SNRNP48: variants seen among roughly 807,000 people sequenced by gnomAD.
The protein encoded by SNRNP48 is U11/U12 small nuclear ribonucleoprotein 48 kDa protein.
Under a neutral mutation model 47.0 loss-of-function variants are expected in SNRNP48, and 43 were observed. The observed-to-expected ratio is 0.92, with a 90% confidence interval of 0.72 to 1.18. SNRNP48 has a LOEUF of 1.18. SNRNP48 is among the 50% of genes most tolerant of loss of function. The pLI is 0.00. For synonymous variants in SNRNP48, 138 were observed against 144.0 expected (o/e 0.96, Z 0.30); for missense variants, 396 against 422.2 (o/e 0.94, Z 0.54).
At chr6:7,598,245 A>T (rs1759944680) in intron 4 of SNRNP48, among the ~76,000 whole-genome samples, 1 of 151,502 alleles carries the variant, frequency 6.6e-6, no homozygotes, top group South Asian at 2.1e-4. Context: ...TTGTAATCCC[A>T]GCACTTTGGG....
At chr6:7,593,490 G>A (rs1023618428) in intron 1 of SNRNP48, among the ~76,000 whole-genome samples, 1 of 152,122 alleles carries the variant, frequency 6.6e-6, no homozygotes, top group Admixed American at 6.5e-5. Flanking sequence ...GACAGTGAGT[G>A]TAAATACACC....
At chr6:7,592,313 G>GTGAT (rs1450158206) in intron 1 of SNRNP48, among the ~76,000 whole-genome samples, 1 of 151,896 alleles carries the variant, frequency 6.6e-6, no homozygotes, top group Non-Finnish European at 1.5e-5. Context: ...GAGTAGAATG[G>GTGAT]TGATGGTGGG....
chr6:7,599,802 C>T (rs1004459197), intron 4 of SNRNP48: 2 of 1,230,502 alleles, frequency 1.6e-6, no homozygotes, highest in African/African-American at 3.1e-5. Flanking sequence ...ATACCTGTCA[C>T]ATATTATAGT....
chr6:7,600,380 T>C (rs1759993325), intron 4 of SNRNP48: 1 of 188,650 alleles, frequency 5.3e-6, no homozygotes, highest in Admixed American at 6.5e-5. Flanking sequence ...ACTGATTTTA[T>C]GTTGTTCTAT....
intron 5 of SNRNP48, among the ~76,000 whole-genome samples, chr6:7,601,736 G>A (rs912020531): frequency 1.1e-4 from 17 of 152,172 alleles, no homozygotes; most frequent in Non-Finnish European, 2.4e-4. Flanking sequence ...AAAAATAAAA[G>A]TGTGTGGTTG....
intron 3 of SNRNP48, among the ~76,000 whole-genome samples, 193 bp from the exon 4 acceptor site, chr6:7,594,834 A>G (rs913756385): frequency 6.6e-6 from 1 of 152,134 alleles, no homozygotes; most frequent in Non-Finnish European, 1.5e-5. Flanking sequence ...TTGAAGTCTG[A>G]TTACTTACTG....
chr6:7,604,361 CAGAT>C (rs1346704335), intron 6 of SNRNP48, among the ~76,000 whole-genome samples: 1 of 152,188 alleles, frequency 6.6e-6, no homozygotes, highest in Non-Finnish European at 1.5e-5. Flanking sequence ...TTCTGAAAAG[CAGAT>C]AGAAGTATAG....
chr6:7,602,535 A>G lies in SNRNP48; in HGVS notation c.596-88A>G, dbSNP rs543670042. On this transcript the variant is annotated intron_variant, in intron 5 of 8. Coordinates refer to ENST00000342415, the MANE Select transcript of SNRNP48 (RefSeq NM_152551.4). ...TATGTGCTACTTTGAAACAAGTTAA[A>G]ATATAGGATTGTGATGTATTTATTT... 1.3e-5 allele frequency: 14 copies of G among 1,038,862 alleles called. 1 individual carries two copies. In the South Asian group the frequency reaches 2.0e-4, roughly 15 times the overall value. The allele number at this position is 1,038,862 out of a possible 1,614,324, so 64.4% of individuals were successfully genotyped here. A position where few individuals can be genotyped will look rare whatever the true frequency, so the allele number is the denominator to read the frequency against.
intron 8 of SNRNP48, among the ~76,000 whole-genome samples, chr6:7,607,127 G>T (rs1003134630): frequency 3.3e-5 from 5 of 152,156 alleles, no homozygotes; most frequent in Admixed American, 3.3e-4. Context: ...AGGCCAGCCC[G>T]GGCAACCTGG....
chr6:7,593,611 G>A (rs1759854446), intron 1 of SNRNP48, 123 bp from the exon 2 acceptor site: 1 of 501,746 alleles, frequency 2.0e-6, no homozygotes, highest in African/African-American at 2.0e-5. Flanking sequence ...GGGGTTGAGA[G>A]AGGCCTGTAG....
chr6:7,601,568 T>G, intron 5 of SNRNP48, 44 bp downstream of exon 5: 2 of 1,480,212 alleles, frequency 1.4e-6, no homozygotes, highest in Non-Finnish European at 1.8e-6. Context: ...CATTATCATT[T>G]TATTCTATGA....
At chr6:7,599,902 C>A in intron 4 of SNRNP48, 1 of 997,610 alleles carries the variant, frequency 1.0e-6, no homozygotes. Flanking sequence ...GAAGAAAAGG[C>A]TAAAATAATT....
intron 5 of SNRNP48, 57 bp downstream of exon 5, chr6:7,601,581 GTTA>G: frequency 2.8e-6 from 4 of 1,415,110 alleles, no homozygotes; most frequent in Non-Finnish European, 3.7e-6. Context: ...TTCTATGAGT[GTTA>G]TTAAGATGAT....
chr6:7,610,323 A>G lies in SNRNP48; in HGVS notation c.*1450A>G, dbSNP rs576309320. Reference sequence around the variant, plus strand: ...GGTATGGGAAACAGCTCTCAGATTTATAAATTGGAAATCACCAGGTTACTT... The same window carrying G: ...GGTATGGGAAACAGCTCTCAGATTTGTAAATTGGAAATCACCAGGTTACTT... On this transcript the variant is annotated 3_prime_UTR_variant, in exon 9 of 9. Transcript: ENST00000342415. 3.9e-5 allele frequency: 6 copies of G among 152,350 alleles called. No individual in the cohort carries two copies. In the South Asian group the frequency reaches 1.0e-3, roughly 26 times the overall value. The allele number at this position is 152,350 out of a possible 1,614,324, so 9.4% of individuals were successfully genotyped here. A position where few individuals can be genotyped will look rare whatever the true frequency, so the allele number is the denominator to read the frequency against.
chr6:7,591,315 G>C (rs1054253708), intron 1 of SNRNP48, among the ~76,000 whole-genome samples: 6 of 152,222 alleles, frequency 3.9e-5, no homozygotes, highest in African/African-American at 1.2e-4. Flanking sequence ...AGTGTATTTA[G>C]AGTGAACATT....
chr6:7,606,415 T>C (rs545529516), intron 8 of SNRNP48, among the ~76,000 whole-genome samples: 1 of 152,326 alleles, frequency 6.6e-6, no homozygotes, highest in South Asian at 2.1e-4. Flanking sequence ...GATGTTTTTT[T>C]CCCTTTTTTA....
chr6:7,605,564 A>G, intron 7 of SNRNP48, 78 bp downstream of exon 7: 1 of 1,375,298 alleles, frequency 7.3e-7, no homozygotes. Flanking sequence ...GTTAAATTTT[A>G]GCATTTCCAA....
intron 8 of SNRNP48, among the ~76,000 whole-genome samples, chr6:7,606,601 G>A (rs1760133337): frequency 6.6e-6 from 1 of 152,170 alleles, no homozygotes. Context: ...TGTAGGGTCA[G>A]AGAGAACATC....
At chr6:7,606,893 C>G (rs1187465729) in intron 8 of SNRNP48, among the ~76,000 whole-genome samples, 1 of 152,228 alleles carries the variant, frequency 6.6e-6, no homozygotes, top group Non-Finnish European at 1.5e-5. Context: ...ATACTTCCTT[C>G]CACTCCTTAT....
Sources: gnomAD v4.1 joint callset for allele counts (sites outside exome capture counted in the v4.1 genomes callset) on GRCh38, gnomAD v4.1.1 for gene constraint, MANE v1.5 for transcripts, NCBI Gene and HGNC (gene_info 2026-07-23, HGNC 2026-07-21) for gene names.